Variants in SORCS1 observed in about 807,000 individuals in gnomAD.
SORCS1 encodes the protein VPS10 domain-containing receptor SorCS1.
SORCS1 carries 60 observed loss-of-function variants against 146.1 expected under a neutral mutation model. That is an observed-to-expected ratio of 0.41 (90% CI 0.33 to 0.51). SORCS1 has a LOEUF of 0.51. Ranked by LOEUF, SORCS1 falls within the 20% of genes least tolerant of loss-of-function variation. The pLI is 0.21. For synonymous variants in SORCS1, 637 were observed against 584.0 expected, an observed-to-expected ratio of 1.09 and a Z score of -1.31; for missense variants, 1,352 against 1,487.6, an observed-to-expected ratio of 0.91 and a Z score of 1.50.
chr10:106,577,622 G>A, intron 25 of SORCS1, 67 bp from the exon 26 acceptor site: 1 of 1,596,920 alleles, frequency 6.3e-7, no homozygotes, highest in Non-Finnish European at 8.5e-7. Context: ...CAGAGACTTT[G>A]CAATGTGCTG....
At chr10:106,912,377 G>C (rs1272953743) in intron 2 of SORCS1, among the ~76,000 whole-genome samples, 1 of 151,996 alleles carries the variant, frequency 6.6e-6, no homozygotes, top group African/African-American at 2.4e-5. Flanking sequence ...TTTACGAGAT[G>C]ATCCTTTTAT....
intron 18 of SORCS1, among the ~76,000 whole-genome samples, chr10:106,640,578 C>G (rs916557765): frequency 1.3e-5 from 2 of 152,162 alleles, no homozygotes; most frequent in Non-Finnish European, 2.9e-5. Context: ...TTCTGCCTAC[C>G]AGTTCTCTCA....
intron 2 of SORCS1, among the ~76,000 whole-genome samples, chr10:106,875,328 G>GTA (rs1449039127): frequency 6.6e-6 from 1 of 152,234 alleles, no homozygotes; most frequent in East Asian, 1.9e-4. Context: ...ATCCCAGGAT[G>GTA]TATATATACC....
chr10:106,801,611 G>A, intron 3 of SORCS1, among the ~76,000 whole-genome samples: 1 of 145,070 alleles, frequency 6.9e-6, no homozygotes, highest in Non-Finnish European at 1.5e-5. Context: ...TCACTGCAAA[G>A]CTCCGCCTCC....
chr10:106,806,429 T>TA (rs1278495622), intron 3 of SORCS1, among the ~76,000 whole-genome samples: 4 of 140,558 alleles, frequency 2.8e-5, no homozygotes, highest in East Asian at 2.2e-4. Flanking sequence ...TAAAATAAAA[T>TA]AATCATGGAG....
chr10:106,736,798 C>G (rs549212560), intron 5 of SORCS1, among the ~76,000 whole-genome samples: 65 of 152,250 alleles, frequency 4.3e-4, no homozygotes, highest in African/African-American at 1.5e-3. Context: ...ATTCCTCTGG[C>G]CCCCGACACT....
Position 106,652,464 on chromosome 10 carries a change from CGCGGGGCTTTCCCTGGGCACTTCT to C in SORCS1, c.2369_2392del (p.Gln790_Pro797del). On this transcript the variant is annotated inframe_deletion, in exon 18 of 26. Transcript: ENST00000263054. ...ATCAGCCGTGACTATCCGCAGCCCC[CGCGGGGCTTTCCCTGGGCACTTCT>C]GCGGTTTGGCAGTGTACTGTTCCCT... The C allele has an allele frequency of 1.2e-6, 2 of 1,614,134 alleles. No individual in the cohort carries two copies. The highest frequency in any genetic ancestry group is 1.7e-6 in the Non-Finnish European group (2 of 1,180,000).
chr10:107,079,225 CAA>C (rs796448763), intron 1 of SORCS1, among the ~76,000 whole-genome samples: 3 of 104,822 alleles, frequency 2.9e-5, no homozygotes, highest in Non-Finnish European at 4.0e-5. Flanking sequence ...GACTCTGTCT[CAA>C]AAAAAAAAAA....
chr10:106,898,386 TCTG>T (rs199652068), intron 2 of SORCS1, among the ~76,000 whole-genome samples: 4,646 of 152,318 alleles, frequency 0.031, 111 homozygotes, highest in Non-Finnish European at 0.051. Flanking sequence ...CTGCTGTCCT[TCTG>T]CTGGGCTTTC....
At chr10:107,075,055 G>T (rs1390124284) in intron 1 of SORCS1, among the ~76,000 whole-genome samples, 2 of 152,044 alleles carry the variant, frequency 1.3e-5, no homozygotes, top group African/African-American at 2.4e-5. Flanking sequence ...CAGCCTCAAT[G>T]ATTTGACATT....
intron 1 of SORCS1, among the ~76,000 whole-genome samples, chr10:107,079,476 C>T (rs1402499128): frequency 2.6e-5 from 4 of 152,118 alleles, no homozygotes; most frequent in Non-Finnish European, 4.4e-5. Flanking sequence ...GTACTGATTC[C>T]TGAAGAAGAC....
At chr10:106,623,469 C>T (rs1317755063) in intron 19 of SORCS1, among the ~76,000 whole-genome samples, 2 of 151,946 alleles carry the variant, frequency 1.3e-5, no homozygotes, top group African/African-American at 4.8e-5. Context: ...TGGTCTCGAA[C>T]TCCTGACCTT....
intron 10 of SORCS1, among the ~76,000 whole-genome samples, chr10:106,687,187 A>G (rs568024358): frequency 2.8e-4 from 42 of 152,332 alleles, no homozygotes; most frequent in African/African-American, 1.0e-3. Context: ...CATCAGAGCT[A>G]CTAAGAGGAA....
At chr10:106,869,820 T>C (rs903530295) in intron 2 of SORCS1, among the ~76,000 whole-genome samples, 5 of 152,052 alleles carry the variant, frequency 3.3e-5, no homozygotes, top group African/African-American at 1.2e-4. Flanking sequence ...TTATTAAACA[T>C]GTTATTGGAT....
the SORCS1 span, among the ~76,000 whole-genome samples, chr10:107,169,800 CT>C: frequency 1.3e-4 from 20 of 152,248 alleles, no homozygotes; most frequent in African/African-American, 4.3e-4. Flanking sequence ...CTTTTCCCCC[CT>C]GTTTTGTCCA....
At chr10:107,007,326 TAACA>T (rs1385502236) in intron 1 of SORCS1, among the ~76,000 whole-genome samples, 1 of 152,208 alleles carries the variant, frequency 6.6e-6, no homozygotes, top group Non-Finnish European at 1.5e-5. Context: ...GATGAGGCAT[TAACA>T]AACTGTTAGC....
At chr10:106,954,849 A>T (rs1024162359) in intron 2 of SORCS1, among the ~76,000 whole-genome samples, 7 of 152,186 alleles carry the variant, frequency 4.6e-5, no homozygotes, top group African/African-American at 1.7e-4. Context: ...GGGACTACCC[A>T]CTTTGGGTCT....
chr10:106,961,017 G>A (rs1291575601), intron 1 of SORCS1, among the ~76,000 whole-genome samples: 1 of 152,194 alleles, frequency 6.6e-6, no homozygotes, highest in East Asian at 1.9e-4. Flanking sequence ...GACTCTGTGA[G>A]AGGAGAATGT....
chr10:107,028,158 A>G (rs1027731566), intron 1 of SORCS1, among the ~76,000 whole-genome samples: 1 of 152,194 alleles, frequency 6.6e-6, no homozygotes, highest in South Asian at 2.1e-4. Context: ...TCTGCCAGGT[A>G]AATCAGTGGC....
Sources: allele counts gnomAD v4.1 joint callset (sites outside exome capture counted in the v4.1 genomes callset), GRCh38; gene constraint gnomAD v4.1.1; transcripts MANE v1.5; gene names NCBI Gene and HGNC (gene_info 2026-07-23, HGNC 2026-07-21).